The following PLCG2 variants were observed in gnomAD, a reference collection of about 807,000 sequenced individuals.
PLCG2 encodes the protein phospholipase C gamma 2.
PLCG2 carries 69 observed loss-of-function variants against 175.6 expected under a neutral mutation model. The observed-to-expected ratio is 0.39, with a 90% CI of 0.32 to 0.48. The LOEUF (loss-of-function observed/expected upper bound fraction) is 0.48, where lower values mean the gene tolerates loss of function less well. Among genes scored for constraint, PLCG2 ranks in the 20% least tolerant of loss-of-function variants. PLCG2 has a pLI of 0.91. For missense variants in PLCG2, 1,798 were observed against 1,650.9 expected, an observed-to-expected ratio of 1.09 and a Z score of -1.54; for synonymous variants, 827 against 624.0, an observed-to-expected ratio of 1.33 and a Z score of -4.85.
At chr16:81,869,948 G>A (rs1452914017) in intron 6 of PLCG2, among the ~76,000 whole-genome samples, 1 of 152,128 alleles carries the variant, frequency 6.6e-6, no homozygotes, top group Non-Finnish European at 1.5e-5. Flanking sequence ...CATCCAAACA[G>A]CCCCAGTTGG....
At chr16:81,831,571 G>A (rs1444347138) in intron 2 of PLCG2, among the ~76,000 whole-genome samples, 4 of 152,190 alleles carry the variant, frequency 2.6e-5, no homozygotes, top group Non-Finnish European at 5.9e-5. Flanking sequence ...CTCCAGTTGG[G>A]ACCCCTGGCT....
At chr16:81,867,999 G>C (rs1036750432) in intron 5 of PLCG2, among the ~76,000 whole-genome samples, 5 of 152,148 alleles carry the variant, frequency 3.3e-5, no homozygotes, top group South Asian at 2.1e-4. Context: ...ACCGTGCCTG[G>C]CCCTCGCTTC....
intron 7 of PLCG2, among the ~76,000 whole-genome samples, chr16:81,872,059 T>C (rs561328284): frequency 5.9e-5 from 9 of 152,250 alleles, no homozygotes; most frequent in Non-Finnish European, 7.4e-5. Flanking sequence ...CCAGGTGCAG[T>C]GGTTGACGCC....
At chr16:81,879,610 A>G (rs1000221833) in intron 7 of PLCG2, among the ~76,000 whole-genome samples, 2 of 152,188 alleles carry the variant, frequency 1.3e-5, no homozygotes, top group Admixed American at 6.5e-5. Context: ...ACCCTGGGTC[A>G]TCTGGGGTAG....
intron 2 of PLCG2, among the ~76,000 whole-genome samples, chr16:81,850,763 A>G (rs905115983): frequency 6.6e-6 from 1 of 152,184 alleles, no homozygotes; most frequent in Non-Finnish European, 1.5e-5. Flanking sequence ...CCTGTGTTGC[A>G]TATCTCATTA....
At chr16:81,778,709 G>T (rs1289511041), upstream of PLCG2, among the ~76,000 whole-genome samples, 1 of 152,202 alleles carries the variant, frequency 6.6e-6, no homozygotes, top group Non-Finnish European at 1.5e-5. Context: ...TAAGGTAGCA[G>T]TAAGGGTTGG....
intron 30 of PLCG2, 45 bp downstream of exon 30, chr16:81,940,104 T>C (rs1286450489): frequency 6.6e-7 from 1 of 1,520,434 alleles, no homozygotes; most frequent in Non-Finnish European, 9.1e-7. Flanking sequence ...GCTGGCGTTG[T>C]ACTTTGGTTT....
chr16:81,900,790 C>G lies in PLCG2; in HGVS notation c.1362+10C>G, dbSNP rs776218535. ...GAAGATCATCATCAAGGTAGGCACCCCGGGTGCTGCTGTTGGCTGTCCAGG... is the reference window on the plus strand; with the variant it reads ...GAAGATCATCATCAAGGTAGGCACCGCGGGTGCTGCTGTTGGCTGTCCAGG... On this transcript the variant is annotated intron_variant, in intron 14 of 32. Coordinates refer to ENST00000564138, the MANE Select transcript of PLCG2 (RefSeq NM_002661.5). 7 of 1,591,536 alleles carry G rather than the reference C, an allele frequency of 4.4e-6. No individual in the cohort carries two copies. Among genetic ancestry groups the G allele is most frequent in the African/African-American group, 4.0e-5 (3 of 74,512 alleles).
At chr16:81,836,349 A>T (rs948584227) in intron 2 of PLCG2, among the ~76,000 whole-genome samples, 5 of 152,186 alleles carry the variant, frequency 3.3e-5, no homozygotes, top group Admixed American at 1.3e-4. Flanking sequence ...ATGGACTCGT[A>T]TTCCCACTGG....
At chr16:81,788,057 G>A (rs1597318710) in intron 2 of PLCG2, among the ~76,000 whole-genome samples, 1 of 152,110 alleles carries the variant, frequency 6.6e-6, no homozygotes, top group African/African-American at 2.4e-5. Context: ...GTGGATGTCT[G>A]TTTTTATTTG....
chr16:81,903,730 G>A (rs1022528137), intron 14 of PLCG2, among the ~76,000 whole-genome samples: 3 of 152,186 alleles, frequency 2.0e-5, no homozygotes, highest in East Asian at 1.9e-4. Flanking sequence ...CTGGTTGCAT[G>A]TGCTCTTCCC....
intron 19 of PLCG2, among the ~76,000 whole-genome samples, chr16:81,917,629 A>C (rs760583064): frequency 3.3e-5 from 5 of 152,184 alleles, no homozygotes; most frequent in Non-Finnish European, 7.3e-5. Flanking sequence ...CATTTATCTG[A>C]TGATTAGTGA....
At chr16:81,832,925 C>T (rs961204579) in intron 2 of PLCG2, among the ~76,000 whole-genome samples, 7 of 152,158 alleles carry the variant, frequency 4.6e-5, no homozygotes, top group South Asian at 2.1e-4. Context: ...AGTGGTCAGC[C>T]GATACTTGAA....
chr16:81,861,218 A>G (rs534309516), intron 5 of PLCG2, among the ~76,000 whole-genome samples: 1 of 152,220 alleles, frequency 6.6e-6, no homozygotes, highest in African/African-American at 2.4e-5. Flanking sequence ...TATTTATGTC[A>G]TTATCCTATG....
intron 2 of PLCG2, among the ~76,000 whole-genome samples, chr16:81,799,787 G>T (rs1567470259): frequency 1.3e-5 from 2 of 151,710 alleles, no homozygotes; most frequent in Non-Finnish European, 2.9e-5. Flanking sequence ...TGGAGATGGG[G>T]TTTCACCGTG....
chr16:81,789,864 CCT>C (rs1911153681), intron 2 of PLCG2, among the ~76,000 whole-genome samples: 1 of 151,736 alleles, frequency 6.6e-6, no homozygotes, highest in Non-Finnish European at 1.5e-5. Context: ...CATTGCCTCC[CCT>C]CTGTCATTTG....
At chr16:81,824,071 G>T (rs145748878) in intron 2 of PLCG2, among the ~76,000 whole-genome samples, 3,830 of 102,020 alleles carry the variant, frequency 0.038, 47 homozygotes, top group Middle Eastern at 0.056. Context: ...GTCCTGTCCT[G>T]TCCTGTCCTG....
At chr16:81,752,347 T>G (rs1336481551) in intron 1 of PLCG2, among the ~76,000 whole-genome samples, 1 of 152,188 alleles carries the variant, frequency 6.6e-6, no homozygotes, top group Admixed American at 6.5e-5. Context: ...GGCCAGCTCC[T>G]CCACTCTGCC....
At chr16:81,956,901 C>A (rs759838867) in intron 32 of PLCG2, 22 bp downstream of exon 32, 2 of 1,604,182 alleles carry the variant, frequency 1.2e-6, no homozygotes, top group South Asian at 1.1e-5. Flanking sequence ...CCTCCACCTG[C>A]AAAAACTTTT....
Sources: allele counts gnomAD v4.1 joint callset (sites outside exome capture counted in the v4.1 genomes callset), GRCh38; gene constraint gnomAD v4.1.1; transcripts MANE v1.5; gene names NCBI Gene and HGNC (gene_info 2026-07-23, HGNC 2026-07-21).